The following ANKLE1 variants were observed in gnomAD, a reference collection of about 807,000 sequenced individuals.
The protein encoded by ANKLE1 is structure-specific endonuclease ANKLE1.
A neutral mutation model predicts 56.2 loss-of-function variants in ANKLE1; 59 were observed. The observed-to-expected ratio is 1.05, with a 90% confidence interval of 0.85 to 1.30. ANKLE1 has a LOEUF of 1.30. Among genes scored for constraint, ANKLE1 ranks in the 50% most tolerant of loss-of-function variants. The pLI is 0.00. For synonymous variants in ANKLE1, 341 were observed against 352.9 expected, an observed-to-expected ratio of 0.97 and a Z score of 0.38; for missense variants, 771 against 816.1, an observed-to-expected ratio of 0.94 and a Z score of 0.67.
intron 8 of ANKLE1, 80 bp downstream of exon 8, chr19:17,285,899 G>T (rs1440310066): frequency 6.4e-7 from 1 of 1,563,594 alleles, no homozygotes. Flanking sequence ...CCTTCTGAGG[G>T]GTGTTCATTT....
In ANKLE1 at chr19:17,282,699, G is replaced by A. The variant is rs779939699; in HGVS notation, c.259G>A (p.Gly87Ser). The part of the protein sequence containing the change: ...LTPLHVAAAW[G>S]CRRGLELLLS... ...GCCGCTGCATGTGGCCGCCGCGTGG[G>A]GCTGCCGCCGCGGCCTGGAGCTGCT... Residue 87 changes from glycine (G) to serine (S), a missense_variant, in exon 3 of 9, where the codon GGC becomes AGC. Transcript: ENST00000404085. 6.5e-7 allele frequency: 1 copy of A among 1,536,466 alleles called. No individual in the cohort carries two copies. Among genetic ancestry groups the A allele is most frequent in the South Asian group, 1.2e-5 (1 of 84,048 alleles).
Position 17,282,044 on chromosome 19 carries a change from G to A in ANKLE1, c.63-13G>A, listed in dbSNP as rs1398687759. 1.3e-6 allele frequency: 2 copies of A among 1,537,854 alleles called. No individual in the cohort carries two copies. The highest frequency in any genetic ancestry group is 2.7e-5 in the African/African-American group (2 of 73,012). On this transcript the variant is annotated splice_polypyrimidine_tract_variant and intron_variant, in intron 1 of 8. Coordinates refer to ENST00000404085, the MANE Select transcript of ANKLE1 (RefSeq NM_152363.6). The stretch of plus-strand genomic sequence containing the variant: ...TCTTTGGCCGGGGTCCACTCTGACC[G>A]CGGTGTTTGCAGGGCAGTAGAGGAG...
chr19:17,285,974 T>G (rs997824132), intron 8 of ANKLE1, among the ~76,000 whole-genome samples, 155 bp downstream of exon 8: 2 of 152,168 alleles, frequency 1.3e-5, no homozygotes, highest in African/African-American at 4.8e-5. Context: ...GCTCCATTGG[T>G]TTATCCCCAC....
chr19:17,285,681 C>G lies in ANKLE1; in HGVS notation c.1537C>G (p.Pro513Ala). The change falls in exon 8 of 9, where the codon CCC (proline) becomes GCC (alanine). Residue 513 changes from proline (P) to alanine (A), a missense_variant and splice_region_variant. Coordinates refer to ENST00000404085, the MANE Select transcript of ANKLE1 (RefSeq NM_152363.6). ...GTGCTGACTCCTGATTCTGCCCTAG[C>G]CCCACCAGGCCTGCCCCAAGGTGCG... ...LGHHGRSRKQ[P>A]HQACPKVRQI... is the part of the protein sequence containing the mutation. 2 of 1,613,920 alleles carry G rather than the reference C, an allele frequency of 1.2e-6. No homozygotes were observed. Among genetic ancestry groups the G allele is most frequent in the East Asian group, 2.2e-5 (1 of 44,872 alleles).
rs147206412 is a variant in ANKLE1 at position 17,283,928 on chromosome 19, C to A, written c.1164C>A (p.Tyr388Ter). 6.8e-5 allele frequency: 109 copies of A among 1,609,106 alleles called. No individual in the cohort carries two copies. The East Asian group carries it at 2.1e-3, about 32-fold the overall frequency. ...HPITPFTRQL[Y>*]HQQLEEAQIA... ...TCACACCCTTCACCAGGCAGTTGTA[C>A]CACCAGCAGCTGGAAGAAGCCCAGA... The change falls in exon 5 of 9, where the codon TAC becomes TAA. Residue 388 changes from tyrosine to a stop codon, truncating the protein, a stop_gained. Transcript: ENST00000404085. LOFTEE classifies it high-confidence loss of function.
chr19:17,282,789 A>G (rs1212815823), intron 3 of ANKLE1, 28 bp downstream of exon 3: 3 of 1,565,706 alleles, frequency 1.9e-6, no homozygotes, highest in East Asian at 4.6e-5. Context: ...GGGCAAAGAA[A>G]GGCTGGGTGA....
chr19:17,286,332 G>A (rs1403780676), intron 8 of ANKLE1, 48 bp from the exon 9 acceptor site: 5 of 1,516,854 alleles, frequency 3.3e-6, no homozygotes, highest in East Asian at 2.3e-5. Context: ...GCTGGATGGG[G>A]AGGTGTCCCC....
chr19:17,284,969 A>G (rs1239246267), intron 6 of ANKLE1, among the ~76,000 whole-genome samples: 2 of 151,898 alleles, frequency 1.3e-5, no homozygotes, highest in African/African-American at 4.8e-5. Context: ...CATTACAGGC[A>G]TGAGCCCCGG....
At position 17,281,906 on chromosome 19, in the gene ANKLE1, G is replaced by T; in HGVS notation, c.-15G>T. On this transcript the variant is annotated 5_prime_UTR_variant, in exon 1 of 9. Transcript: ENST00000404085. ...ATCGACCGACCAGGCGGTGCGCTTC[G>T]GACCCAGCCAGGGCATGTGCTCGGA... 6.5e-7 allele frequency: 1 copy of T among 1,535,298 alleles called. No homozygotes were observed. Among genetic ancestry groups the T allele is most frequent in the East Asian group, 2.4e-5 (1 of 40,886 alleles).
At chr19:17,282,784 A>G (rs1169894078) in intron 3 of ANKLE1, 23 bp downstream of exon 3, 1 of 1,562,724 alleles carries the variant, frequency 6.4e-7, no homozygotes, top group African/African-American at 1.3e-5. Flanking sequence ...TGCGCGGGCA[A>G]AGAAAGGCTG....
chr19:17,281,943 C>A lies in ANKLE1; in HGVS notation c.23C>A (p.Ala8Asp). 1 of 1,534,452 alleles carries A rather than the reference C, an allele frequency of 6.5e-7. No homozygotes were observed. Among genetic ancestry groups the A allele is most frequent in the Non-Finnish European group, 8.7e-7 (1 of 1,145,548 alleles). Reference protein sequence around the residue: MCSEARLARRLRDALREE... With the variant: MCSEARLDRRLRDALREE... ...GGCATGTGCTCGGAGGCCCGCCTGG[C>A]TCGCAGGTTGCGGGATGCGCTGCGG... The change falls in exon 1 of 9, where the codon GCT (alanine) becomes GAT (aspartate). Residue 8 changes from alanine (A) to aspartate (D), a missense_variant. Physicochemically the swap from Ala to Asp is moderately radical, Grantham distance 126. Transcript: ENST00000404085.
intron 3 of ANKLE1, 36 bp downstream of exon 3, chr19:17,282,797 T>A: frequency 6.4e-7 from 1 of 1,571,050 alleles, no homozygotes; most frequent in Non-Finnish European, 8.6e-7. Context: ...AAAGGCTGGG[T>A]GAGCCCAGAG....
rs143586031 is a variant in ANKLE1 at position 17,285,767 on chromosome 19, C to G, written c.1623C>G (p.His541Gln). 6.2e-7 allele frequency: 1 copy of G among 1,613,870 alleles called. No individual in the cohort carries two copies. The highest frequency in any genetic ancestry group is 1.3e-5 in the African/African-American group (1 of 75,020). ...CGVVSLHCFQHVVAVEAYTRE... is the reference protein window; with the variant it reads ...CGVVSLHCFQQVVAVEAYTRE... ...TTGTGTCCCTACATTGCTTCCAGCACGTGGTCGCTGTGGAGGCTTATACAC... is the reference window on the plus strand; with the variant it reads ...TTGTGTCCCTACATTGCTTCCAGCAGGTGGTCGCTGTGGAGGCTTATACAC... The change falls in exon 8 of 9, where the codon CAC becomes CAG. Residue 541 changes from histidine (H) to glutamine (Q), a missense_variant. Transcript: ENST00000404085.
At chr19:17,282,558 G>C in intron 2 of ANKLE1, 98 bp from the exon 3 acceptor site, 1 of 1,246,050 alleles carries the variant, frequency 8.0e-7, no homozygotes, top group South Asian at 1.3e-5. Flanking sequence ...CGGAGATCCG[G>C]GAGGCCGAGA....
rs551006830 is a variant in ANKLE1, at chr19:17,285,499, G to A, written c.1445G>A (p.Arg482His). Residue 482 changes from arginine to histidine, a missense_variant, in exon 7 of 9, where the codon CGT becomes CAT. Arg to His is a conservative substitution (Grantham distance 29). Coordinates refer to ENST00000404085, the MANE Select transcript of ANKLE1 (RefSeq NM_152363.6). ...TPAERLQTFI[R>H]AIFYVGKGTR... ...GCTGAGCGCCTTCAGACTTTCATCC[G>A]TGCCATCTTCTACGTGGGCAAAGGG... 2.7e-5 allele frequency: 44 copies of A among 1,613,870 alleles called. No homozygotes were observed. The highest frequency in any genetic ancestry group is 1.3e-4 in the East Asian group (6 of 44,860).
chr19:17,284,485 A>G (rs1241888243), intron 6 of ANKLE1, among the ~76,000 whole-genome samples: 4 of 151,624 alleles, frequency 2.6e-5, no homozygotes, highest in Non-Finnish European at 5.9e-5. Context: ...CCAGGTTCAA[A>G]CAATCCTCTT....
At chr19:17,284,012 C>A in intron 5 of ANKLE1, 50 bp downstream of exon 5, 1 of 1,594,020 alleles carries the variant, frequency 6.3e-7, no homozygotes, top group South Asian at 1.1e-5. Context: ...AGGAATCTCC[C>A]GGAGAACCCC....
intron 8 of ANKLE1, among the ~76,000 whole-genome samples, 171 bp from the exon 9 acceptor site, chr19:17,286,209 T>G (rs1331694561): frequency 6.6e-6 from 1 of 152,184 alleles, no homozygotes; most frequent in Non-Finnish European, 1.5e-5. Context: ...AAGACAGGGT[T>G]TCACCATGTT....
Sources: gnomAD v4.1 joint callset for allele counts (sites outside exome capture counted in the v4.1 genomes callset) on GRCh38, gnomAD v4.1.1 for gene constraint, MANE v1.5 for transcripts, NCBI Gene and HGNC (gene_info 2026-07-23, HGNC 2026-07-21) for gene names.